The following MEIKIN variants were observed in gnomAD, a reference collection of about 807,000 sequenced individuals.
MEIKIN encodes the protein meiotic kinetochore factor, also known as meiosis-specific kinetochore protein.
intron 4 of MEIKIN, among the ~76,000 whole-genome samples, chr5:131,937,227 TG>T (rs1751796132): frequency 6.6e-6 from 1 of 152,232 alleles, no homozygotes; most frequent in African/African-American, 2.4e-5. Flanking sequence ...AAAGAATATG[TG>T]TCTAAAAATT....
intron 4 of MEIKIN, among the ~76,000 whole-genome samples, chr5:131,938,086 T>C (rs1156508034): frequency 6.6e-6 from 1 of 152,094 alleles, no homozygotes; most frequent in Non-Finnish European, 1.5e-5. Flanking sequence ...ATTGGACTCA[T>C]CTTCTAATTA....
intron 6 of MEIKIN, among the ~76,000 whole-genome samples, chr5:131,919,479 A>G (rs1751470363): frequency 6.6e-6 from 1 of 152,226 alleles, no homozygotes; most frequent in African/African-American, 2.4e-5. Context: ...AAAAACCTAA[A>G]TACCCAATTT....
At chr5:131,833,685 C>T (rs1749752668) in intron 11 of MEIKIN, among the ~76,000 whole-genome samples, 1 of 152,164 alleles carries the variant, frequency 6.6e-6, no homozygotes, top group South Asian at 2.1e-4. Context: ...TATTCACTAT[C>T]ACGAGTATAG....
intron 9 of MEIKIN, among the ~76,000 whole-genome samples, chr5:131,865,367 G>A (rs1022839662): frequency 3.3e-5 from 5 of 151,714 alleles, no homozygotes; most frequent in South Asian, 2.1e-4. Flanking sequence ...CTGCAGGCAT[G>A]CGCCACCATG....
At chr5:131,866,531 G>T (rs1750388452) in intron 9 of MEIKIN, among the ~76,000 whole-genome samples, 1 of 152,212 alleles carries the variant, frequency 6.6e-6, no homozygotes, top group Non-Finnish European at 1.5e-5. Context: ...CTTCCCCCGG[G>T]AACAGCCATA....
intron 12 of MEIKIN, among the ~76,000 whole-genome samples, chr5:131,817,391 C>T (rs906664597): frequency 6.6e-6 from 1 of 152,062 alleles, no homozygotes; most frequent in Non-Finnish European, 1.5e-5. Flanking sequence ...GCAGGCAGAT[C>T]ACAAGGTCAC....
intron 4 of MEIKIN, among the ~76,000 whole-genome samples, chr5:131,934,864 T>G (rs959471578): frequency 1.3e-5 from 2 of 151,816 alleles, no homozygotes; most frequent in African/African-American, 4.8e-5. Context: ...GAGACCATCC[T>G]GGCCAACATG....
chr5:131,829,537 G>C (rs959953868), intron 11 of MEIKIN, among the ~76,000 whole-genome samples: 1 of 152,090 alleles, frequency 6.6e-6, no homozygotes. Flanking sequence ...GGTAAATTTG[G>C]TGAATCTGAA....
At chr5:131,829,005 G>A (rs1749664190) in intron 11 of MEIKIN, among the ~76,000 whole-genome samples, 1 of 151,788 alleles carries the variant, frequency 6.6e-6, no homozygotes, top group Non-Finnish European at 1.5e-5. Context: ...AAAATAGAAG[G>A]AAAAAGTCAA....
Sources: allele counts gnomAD v4.1 joint callset (sites outside exome capture counted in the v4.1 genomes callset), GRCh38; gene constraint gnomAD v4.1.1; transcripts MANE v1.5; gene names NCBI Gene and HGNC (gene_info 2026-07-23, HGNC 2026-07-21).